Variants in HIPK2 observed in about 807,000 individuals in gnomAD.
The protein encoded by HIPK2 is homeodomain-interacting protein kinase 2.
HIPK2 carries 27 observed loss-of-function variants against 113.7 expected under a neutral mutation model. That is an observed-to-expected ratio of 0.24 (90% CI 0.17 to 0.33). The LOEUF is 0.33. HIPK2 is among the 10% of genes least tolerant of loss of function. The pLI is 1.00. For synonymous variants in HIPK2, 631 were observed against 642.2 expected (o/e 0.98, Z 0.26); for missense variants, 1,257 against 1,588.0 (o/e 0.79, Z 3.54).
At chr7:139,674,514 G>A (rs564976574) in intron 2 of HIPK2, among the ~76,000 whole-genome samples, 1 of 152,268 alleles carries the variant, frequency 6.6e-6, no homozygotes, top group Admixed American at 6.5e-5. Flanking sequence ...CCTGTGGAGA[G>A]GGCAGGAAGA....
intron 1 of HIPK2, among the ~76,000 whole-genome samples, chr7:139,738,642 C>T (rs1796011085): frequency 6.6e-6 from 1 of 152,070 alleles, no homozygotes; most frequent in South Asian, 2.1e-4. Flanking sequence ...AGAGACAGCA[C>T]ATTCAAGGGC....
At chr7:139,715,479 T>A (rs1795198602) in intron 2 of HIPK2, among the ~76,000 whole-genome samples, 1 of 152,226 alleles carries the variant, frequency 6.6e-6, no homozygotes, top group Non-Finnish European at 1.5e-5. Flanking sequence ...GATCTGATAT[T>A]TAAGACCCCC....
At chr7:139,656,772 T>C (rs1165166259) in intron 2 of HIPK2, among the ~76,000 whole-genome samples, 1 of 152,184 alleles carries the variant, frequency 6.6e-6, no homozygotes, top group African/African-American at 2.4e-5. Context: ...CGCAATACTC[T>C]CCTTACTCGA....
At position 139,567,853 on chromosome 7, in the gene HIPK2, G is replaced by C. The variant is rs1249608879; in HGVS notation, c.*5074C>G. ...TAGGGTCTACTTGACAGGCCAACAA[G>C]AGTGGTGGTCCCACACCCCACCCTG... On this transcript the variant is annotated 3_prime_UTR_variant, in exon 15 of 15. Transcript: ENST00000406875. 6.6e-6 allele frequency: 1 copy of C among 152,168 alleles called. No homozygotes were observed. Among genetic ancestry groups the C allele is most frequent in the Non-Finnish European group, 1.5e-5 (1 of 68,064 alleles). 9.4% of individuals were successfully genotyped at this position (152,168 alleles called of 1,614,324 possible).
chr7:139,627,632 A>T (rs1800479397), intron 5 of HIPK2, among the ~76,000 whole-genome samples: 1 of 152,226 alleles, frequency 6.6e-6, no homozygotes, highest in South Asian at 2.1e-4. Flanking sequence ...CTAAGCTGCT[A>T]ATCAACTGAC....
intron 12 of HIPK2, among the ~76,000 whole-genome samples, chr7:139,593,983 C>A (rs1799112772): frequency 6.6e-6 from 1 of 152,104 alleles, no homozygotes; most frequent in Admixed American, 6.5e-5. Context: ...AAGCTGACCA[C>A]CCCCATGTAA....
At chr7:139,728,732 G>T (rs1795668038) in intron 1 of HIPK2, among the ~76,000 whole-genome samples, 2 of 152,138 alleles carry the variant, frequency 1.3e-5, no homozygotes, top group African/African-American at 2.4e-5. Context: ...GAAACCAAAA[G>T]CATTTTACTA....
intron 2 of HIPK2, among the ~76,000 whole-genome samples, chr7:139,694,531 C>A (rs912203160): frequency 2.6e-5 from 4 of 152,148 alleles, no homozygotes; most frequent in African/African-American, 9.7e-5. Flanking sequence ...TCTGGAACCA[C>A]GTGGGGAGTC....
At chr7:139,665,031 T>TCTC (rs1801999935) in intron 2 of HIPK2, among the ~76,000 whole-genome samples, 1 of 118,334 alleles carries the variant, frequency 8.5e-6, no homozygotes, top group East Asian at 3.3e-4. Context: ...CCCTTCTTCT[T>TCTC]TCTCTCTCTT....
At chr7:139,648,472 C>T (rs768574064) in intron 2 of HIPK2, among the ~76,000 whole-genome samples, 16 of 152,060 alleles carry the variant, frequency 1.1e-4, no homozygotes, top group Non-Finnish European at 1.6e-4. Context: ...AACGACGTTG[C>T]GGCTTTCGGG....
In HIPK2 at chr7:139,777,949, G is replaced by A. The variant is rs867079997; in HGVS notation, c.-326C>T. Among the ~76,000 whole-genome samples the A allele has an allele frequency of 6.9e-6, 1 of 145,180 alleles. No individual in the cohort carries two copies. Among genetic ancestry groups the A allele is most frequent in the Admixed American group, 6.8e-5 (1 of 14,690 alleles). ...CCCCCGAGCGGATCCGCGGAGGGGC[G>A]GGAGCCGGGGGCAGCGCGCGGCCAG... On this transcript the variant is annotated 5_prime_UTR_variant, in exon 1 of 15. Coordinates refer to ENST00000406875, the MANE Select transcript of HIPK2 (RefSeq NM_022740.5).
At chr7:139,650,292 G>A (rs1466743610) in intron 2 of HIPK2, among the ~76,000 whole-genome samples, 1 of 145,860 alleles carries the variant, frequency 6.9e-6, no homozygotes, top group Non-Finnish European at 1.5e-5. Context: ...AGAGGTTGCA[G>A]TGAGCCAAGA....
intron 13 of HIPK2, among the ~76,000 whole-genome samples, chr7:139,577,669 G>A (rs1038582407): frequency 1.3e-5 from 2 of 152,140 alleles, no homozygotes; most frequent in African/African-American, 4.8e-5. Context: ...TTCCTTAAAC[G>A]CTAAAGAACA....
At chr7:139,709,922 G>C (rs759724946) in intron 2 of HIPK2, among the ~76,000 whole-genome samples, 2 of 152,164 alleles carry the variant, frequency 1.3e-5, no homozygotes, top group African/African-American at 2.4e-5. Flanking sequence ...TGCAATCAAA[G>C]CATCGGAAAA....
rs1011845482 is a variant in HIPK2, at chr7:139,569,514, G to A, written c.*3413C>T. ...GTGGGAGAGAAGCTGGCTAAGGGCT[G>A]GACAGTCAGTGACTCGACATTCCCC... On this transcript the variant is annotated 3_prime_UTR_variant, in exon 15 of 15. Transcript: ENST00000406875. The A allele has an allele frequency of 2.2e-4, 34 of 152,238 alleles. No homozygotes were observed. Among genetic ancestry groups the A allele is most frequent in the Admixed American group, 1.7e-3 (26 of 15,304 alleles). 9.4% of individuals were successfully genotyped at this position (152,238 alleles called of 1,614,324 possible). A position where few individuals can be genotyped will look rare whatever the true frequency, so the allele number is the denominator to read the frequency against.
chr7:139,580,403 G>T (rs1257085336), intron 13 of HIPK2, among the ~76,000 whole-genome samples: 1 of 152,194 alleles, frequency 6.6e-6, no homozygotes, highest in Admixed American at 6.5e-5. Context: ...CCCCGAGTAA[G>T]GGAGGACGTC....
At chr7:139,707,453 A>G (rs543135815) in intron 2 of HIPK2, among the ~76,000 whole-genome samples, 2 of 152,388 alleles carry the variant, frequency 1.3e-5, no homozygotes, top group African/African-American at 4.8e-5. Context: ...ACCTGCTCTC[A>G]CAGGGCGGCA....
intron 2 of HIPK2, among the ~76,000 whole-genome samples, chr7:139,676,173 C>T (rs929587015): frequency 2.6e-5 from 4 of 152,158 alleles, no homozygotes; most frequent in Non-Finnish European, 4.4e-5. Context: ...ATCTATACAC[C>T]GCAACTCCTC....
intron 1 of HIPK2, among the ~76,000 whole-genome samples, chr7:139,725,162 G>A (rs181122177): frequency 5.9e-4 from 90 of 152,318 alleles, no homozygotes; most frequent in African/African-American, 2.0e-3. Flanking sequence ...CATGGGGATT[G>A]CCAAGTACAA....
Sources: allele counts gnomAD v4.1 joint callset (sites outside exome capture counted in the v4.1 genomes callset), GRCh38; gene constraint gnomAD v4.1.1; transcripts MANE v1.5; gene names NCBI Gene and HGNC (gene_info 2026-07-23, HGNC 2026-07-21).